The following ZMAT4 variants were observed in gnomAD, a reference collection of about 807,000 sequenced individuals.
ZMAT4 encodes the protein zinc finger matrin-type protein 4.
A neutral mutation model predicts 28.7 loss-of-function variants in ZMAT4; 17 were observed. That is an observed-to-expected ratio of 0.59 (90% confidence interval 0.41 to 0.89). The LOEUF is 0.89. ZMAT4 is among the 40% of genes least tolerant of loss of function. The pLI is 0.00. For missense variants in ZMAT4, 240 were observed against 283.8 expected (o/e 0.85, Z 1.11); for synonymous variants, 117 against 109.2 (o/e 1.07, Z -0.44).
chr8:40,552,573 G>A (rs893383824), intron 6 of ZMAT4, among the ~76,000 whole-genome samples: 2 of 152,096 alleles, frequency 1.3e-5, no homozygotes, highest in African/African-American at 4.8e-5. Flanking sequence ...GTTCTGTTTT[G>A]CCAGAGACAT....
chr8:40,727,336 C>A (rs1811355487), intron 3 of ZMAT4, among the ~76,000 whole-genome samples: 1 of 152,166 alleles, frequency 6.6e-6, no homozygotes, highest in Non-Finnish European at 1.5e-5. Context: ...TGAGGAAAAT[C>A]ATTCCTGGAA....
intron 5 of ZMAT4, among the ~76,000 whole-genome samples, chr8:40,621,975 C>A (rs752761087): frequency 7.2e-5 from 11 of 152,170 alleles, no homozygotes; most frequent in Non-Finnish European, 1.5e-4. Flanking sequence ...AATATTGAGT[C>A]TTTCACTTAG....
chr8:40,731,013 A>C (rs574410634), intron 3 of ZMAT4, among the ~76,000 whole-genome samples: 46 of 152,154 alleles, frequency 3.0e-4, no homozygotes, highest in Non-Finnish European at 5.1e-4. Context: ...AGCAACCTAC[A>C]CAGATTTGCA....
At chr8:40,540,267 C>T (rs796643086) in intron 6 of ZMAT4, among the ~76,000 whole-genome samples, 7 of 152,154 alleles carry the variant, frequency 4.6e-5, no homozygotes, top group South Asian at 4.1e-4. Context: ...ATTCAAGCTG[C>T]GGGCAGGAAG....
chr8:40,646,531 T>C (rs115182357), intron 5 of ZMAT4, among the ~76,000 whole-genome samples: 1,550 of 152,240 alleles, frequency 0.01, 22 homozygotes, highest in African/African-American at 0.035. Context: ...GACAGTGTAA[T>C]TTATATTAAC....
intron 5 of ZMAT4, among the ~76,000 whole-genome samples, chr8:40,619,463 G>GA (rs1806123623): frequency 6.6e-6 from 1 of 152,176 alleles, no homozygotes; most frequent in Non-Finnish European, 1.5e-5. Context: ...ATTCACACTG[G>GA]AATCAGAGAT....
At chr8:40,551,555 T>C (rs564810957) in intron 6 of ZMAT4, among the ~76,000 whole-genome samples, 6 of 152,304 alleles carry the variant, frequency 3.9e-5, no homozygotes, top group Admixed American at 1.3e-4. Context: ...GTAGATGATT[T>C]GTGTTGGGGA....
chr8:40,674,648 G>A (rs1042265965), intron 5 of ZMAT4, 56 bp downstream of exon 5: 74 of 1,381,554 alleles, frequency 5.4e-5, no homozygotes, highest in African/African-American at 7.2e-5. Context: ...TGTGAAAGCC[G>A]CATCTTTTCT....
At chr8:40,853,760 A>C (rs1222927226) in intron 1 of ZMAT4, among the ~76,000 whole-genome samples, 1 of 152,126 alleles carries the variant, frequency 6.6e-6, no homozygotes, top group Non-Finnish European at 1.5e-5. Context: ...CATCAGTCTA[A>C]GCTTCAACAC....
At chr8:40,591,763 A>G (rs940788856) in intron 5 of ZMAT4, among the ~76,000 whole-genome samples, 1 of 152,244 alleles carries the variant, frequency 6.6e-6, no homozygotes, top group Non-Finnish European at 1.5e-5. Flanking sequence ...GGAAGCCAAG[A>G]GAAGAAAGCT....
chr8:40,818,008 G>A (rs929033170), intron 2 of ZMAT4, among the ~76,000 whole-genome samples: 5 of 152,158 alleles, frequency 3.3e-5, no homozygotes, highest in Admixed American at 3.3e-4. Flanking sequence ...TGACATCAAC[G>A]GCTGTCTGCA....
chr8:40,818,307 G>A (rs1815622177), intron 2 of ZMAT4, among the ~76,000 whole-genome samples: 2 of 152,188 alleles, frequency 1.3e-5, no homozygotes, highest in African/African-American at 4.8e-5. Context: ...AGAAGATTAA[G>A]AATCTTCAAT....
rs1812299439 is a variant in ZMAT4, at chr8:40,747,780, G to A, written c.192+19861C>T. Among the ~76,000 whole-genome samples the A allele has an allele frequency of 2.0e-5, 3 of 152,092 alleles. No individual in the cohort carries two copies. In the South Asian group the frequency reaches 6.2e-4, roughly 32 times the overall value. On this transcript the variant is annotated intron_variant, in intron 3 of 6. Transcript: ENST00000297737. The stretch of plus-strand genomic sequence containing the variant: ...AATGAGAGACCAAACAAACTAATTT[G>A]TTAATTCTAGGATGTGACATCATGA...
At chr8:40,838,630 T>A (rs1169046855) in intron 1 of ZMAT4, among the ~76,000 whole-genome samples, 1 of 152,140 alleles carries the variant, frequency 6.6e-6, no homozygotes, top group Admixed American at 6.5e-5. Context: ...ACTATTGGTG[T>A]CTTCAACCAT....
At chr8:40,869,826 A>ATTT (rs1490646915) in intron 1 of ZMAT4, among the ~76,000 whole-genome samples, 1 of 152,196 alleles carries the variant, frequency 6.6e-6, no homozygotes, top group African/African-American at 2.4e-5. Context: ...GAGCACCATT[A>ATTT]GCAGGGCACC....
intron 4 of ZMAT4, among the ~76,000 whole-genome samples, chr8:40,689,491 C>G (rs529417525): frequency 6.4e-4 from 97 of 152,302 alleles, no homozygotes; most frequent in African/African-American, 2.3e-3. Context: ...AGAAACCAAT[C>G]TGAGCATTAA....
intron 4 of ZMAT4, among the ~76,000 whole-genome samples, chr8:40,687,643 C>T (rs983365434): frequency 2.0e-5 from 3 of 152,142 alleles, no homozygotes; most frequent in African/African-American, 7.2e-5. Context: ...CTCTGACTTA[C>T]TTTGACTACA....
intron 3 of ZMAT4, among the ~76,000 whole-genome samples, chr8:40,729,749 C>T (rs1229202857): frequency 6.6e-6 from 1 of 152,050 alleles, no homozygotes; most frequent in Non-Finnish European, 1.5e-5. Flanking sequence ...CAGGCACGTG[C>T]CACCACACCC....
In ZMAT4 at chr8:40,791,608, C is replaced by A. The variant is rs538446357; in HGVS notation, c.103-23878G>T. Among the ~76,000 whole-genome samples the A allele has an allele frequency of 8.9e-4, 136 of 152,330 alleles. 1 individual carries two copies. Among genetic ancestry groups the A allele is most frequent in the African/African-American group, 3.1e-3 (127 of 41,572 alleles). On this transcript the variant is annotated intron_variant, in intron 2 of 6. Coordinates refer to ENST00000297737, the MANE Select transcript of ZMAT4 (RefSeq NM_024645.3). ...GTTCCCCACACCCACATCCAGCATT[C>A]TGCAATATAAGCTTGTTGAGGGCAG...
Sources: allele counts gnomAD v4.1 joint callset (sites outside exome capture counted in the v4.1 genomes callset), GRCh38; gene constraint gnomAD v4.1.1; transcripts MANE v1.5; gene names NCBI Gene and HGNC (gene_info 2026-07-23, HGNC 2026-07-21).